Variants in CCSER1 observed in about 807,000 individuals in gnomAD.
CCSER1 encodes serine-rich coiled-coil domain-containing protein 1.
A neutral mutation model predicts 82.0 loss-of-function variants in CCSER1; 41 were observed. The observed-to-expected ratio is 0.50, with a 90% CI of 0.39 to 0.65. CCSER1 has a LOEUF of 0.65. Among genes scored for constraint, CCSER1 ranks in the 30% least tolerant of loss-of-function variants. CCSER1 has a pLI of 0.00. For missense variants in CCSER1, 1,119 were observed against 1,064.2 expected (o/e 1.05, Z -0.72); for synonymous variants, 414 against 383.9 (o/e 1.08, Z -0.92).
intron 10 of CCSER1, among the ~76,000 whole-genome samples, chr4:91,350,092 G>A (rs72880817): frequency 0.064 from 9,794 of 151,982 alleles, 1,040 homozygotes; most frequent in African/African-American, 0.22. Context: ...ATGCCATATT[G>A]GAAACTGGAA....
At chr4:91,542,272 CT>C (rs1398409558) in intron 10 of CCSER1, among the ~76,000 whole-genome samples, 3 of 152,132 alleles carry the variant, frequency 2.0e-5, no homozygotes, top group Admixed American at 6.6e-5. Flanking sequence ...GTTACCATTG[CT>C]TTTGGTGTTT....
intron 9 of CCSER1, among the ~76,000 whole-genome samples, chr4:90,933,364 T>C (rs950184617): frequency 1.3e-5 from 2 of 151,790 alleles, no homozygotes; most frequent in South Asian, 4.2e-4. Flanking sequence ...ATTTTTTGTA[T>C]TTTTAGTAGA....
intron 10 of CCSER1, among the ~76,000 whole-genome samples, chr4:91,554,453 A>G (rs1157981897): frequency 6.6e-6 from 1 of 151,350 alleles, no homozygotes; most frequent in Non-Finnish European, 1.5e-5. Context: ...CATACACAAT[A>G]GCACAAAAAA....
At chr4:90,290,628 T>C (rs951245391) in intron 1 of CCSER1, among the ~76,000 whole-genome samples, 1 of 152,002 alleles carries the variant, frequency 6.6e-6, no homozygotes, top group Admixed American at 6.6e-5. Flanking sequence ...ACTGTCTCTC[T>C]CTCTCTCGCT....
chr4:91,126,987 AG>A (rs1727578565), intron 10 of CCSER1, among the ~76,000 whole-genome samples: 1 of 152,022 alleles, frequency 6.6e-6, no homozygotes, highest in African/African-American at 2.4e-5. Context: ...ACAATGTCTA[AG>A]AAAATGCCTT....
At chr4:90,911,217 A>T (rs1451202207) in intron 8 of CCSER1, 1 of 434,044 alleles carries the variant, frequency 2.3e-6, no homozygotes, top group African/African-American at 2.1e-5. Flanking sequence ...TCTACAACAA[A>T]AAAATTATAT....
At chr4:90,230,609 A>G (rs1251701052) in intron 1 of CCSER1, among the ~76,000 whole-genome samples, 1 of 151,356 alleles carries the variant, frequency 6.6e-6, no homozygotes, top group Non-Finnish European at 1.5e-5. Context: ...GAAGGCAAGA[A>G]ATAACTAAAA....
chr4:90,400,818 A>C (rs1752751225), intron 4 of CCSER1, among the ~76,000 whole-genome samples: 1 of 152,204 alleles, frequency 6.6e-6, no homozygotes. Flanking sequence ...GATATTTGAC[A>C]GCAAAAGTAA....
At chr4:91,078,028 G>A (rs541661873) in intron 9 of CCSER1, among the ~76,000 whole-genome samples, 9 of 152,334 alleles carry the variant, frequency 5.9e-5, no homozygotes, top group South Asian at 2.1e-4. Flanking sequence ...GGGCATAGCC[G>A]AACAAAAGGC....
At chr4:90,177,787 G>A (rs557459764) in intron 1 of CCSER1, among the ~76,000 whole-genome samples, 1 of 152,148 alleles carries the variant, frequency 6.6e-6, no homozygotes, top group Admixed American at 6.6e-5. Flanking sequence ...GTATCTCATA[G>A]CAAGTGACAA....
At chr4:91,583,131 G>A (rs1253951581) in intron 10 of CCSER1, among the ~76,000 whole-genome samples, 7 of 151,144 alleles carry the variant, frequency 4.6e-5, no homozygotes, top group Admixed American at 3.3e-4. Context: ...GTCAAGTGTG[G>A]CTATGAGAAT....
At chr4:90,977,025 A>G (rs1735674337) in intron 9 of CCSER1, among the ~76,000 whole-genome samples, 1 of 151,652 alleles carries the variant, frequency 6.6e-6, no homozygotes, top group South Asian at 2.1e-4. Context: ...GAAAAAATTG[A>G]GTGAAGCTTC....
intron 9 of CCSER1, among the ~76,000 whole-genome samples, chr4:90,933,194 ATTT>A (rs201922823): frequency 1.1e-5 from 1 of 92,322 alleles, no homozygotes; most frequent in Non-Finnish European, 2.2e-5. Flanking sequence ...ATTTTATTTT[ATTT>A]TTTTTTTTGA....
At chr4:91,085,381 C>T (rs984819643) in intron 9 of CCSER1, among the ~76,000 whole-genome samples, 1 of 152,036 alleles carries the variant, frequency 6.6e-6, no homozygotes, top group Admixed American at 6.6e-5. Flanking sequence ...AAAAGAATAA[C>T]TCTTTCTTCT....
intron 4 of CCSER1, among the ~76,000 whole-genome samples, chr4:90,443,588 T>C (rs2153574195): frequency 6.6e-6 from 1 of 152,212 alleles, no homozygotes; most frequent in East Asian, 1.9e-4. Context: ...AGCAAAGCCA[T>C]GGATAAGGGG....
intron 10 of CCSER1, among the ~76,000 whole-genome samples, chr4:91,280,256 C>T (rs1581896229): frequency 6.6e-6 from 1 of 152,242 alleles, no homozygotes; most frequent in African/African-American, 2.4e-5. Flanking sequence ...CTGGTAGTGA[C>T]AACAATGGGT....
At chr4:90,739,148 T>C (rs1746128117) in intron 7 of CCSER1, among the ~76,000 whole-genome samples, 1 of 152,184 alleles carries the variant, frequency 6.6e-6, no homozygotes, top group African/African-American at 2.4e-5. Context: ...TACTGCTCAT[T>C]ATTTAGAGCC....
intron 10 of CCSER1, among the ~76,000 whole-genome samples, chr4:91,563,856 G>A (rs896589146): frequency 6.6e-6 from 1 of 151,744 alleles, no homozygotes; most frequent in Non-Finnish European, 1.5e-5. Context: ...GATGCTGGAT[G>A]CAAAATAAGC....
At chr4:91,159,345 T>C (rs952027946) in intron 10 of CCSER1, among the ~76,000 whole-genome samples, 1 of 152,082 alleles carries the variant, frequency 6.6e-6, no homozygotes, top group South Asian at 2.1e-4. Context: ...ATTAATTATT[T>C]CATTCTGTGT....
Sources: gnomAD v4.1 joint callset for allele counts (sites outside exome capture counted in the v4.1 genomes callset) on GRCh38, gnomAD v4.1.1 for gene constraint, MANE v1.5 for transcripts, NCBI Gene and HGNC (gene_info 2026-07-23, HGNC 2026-07-21) for gene names.